Variants in OLFM3 observed in about 807,000 individuals in gnomAD.
OLFM3 encodes olfactomedin 3, also known as noelin-3.
In OLFM3, 20 loss-of-function variants were observed where a neutral mutation model predicts 48.6. The observed-to-expected ratio is 0.41, with a 90% confidence interval of 0.29 to 0.60. The LOEUF is 0.60. Ranked by LOEUF, OLFM3 falls within the 20% of genes least tolerant of loss-of-function variation. The pLI is 0.28. For synonymous variants in OLFM3, 222 were observed against 198.1 expected (o/e 1.12, Z -1.01); for missense variants, 437 against 544.3 (o/e 0.80, Z 1.96).
At chr1:101,828,079 T>TCTCTCTCTCTCTCC (rs1654970808) in intron 3 of OLFM3, among the ~76,000 whole-genome samples, 1 of 151,428 alleles carries the variant, frequency 6.6e-6, no homozygotes, top group Non-Finnish European at 1.5e-5. Flanking sequence ...TCTCTCTCTC[T>TCTCTCTCTCTCTCC]CCTCCTGCCT....
intron 1 of OLFM3, among the ~76,000 whole-genome samples, chr1:101,989,110 G>A (rs1661329014): frequency 6.6e-6 from 1 of 152,062 alleles, no homozygotes; most frequent in South Asian, 2.1e-4. Context: ...AGTTGTACTT[G>A]AGTTGCATCC....
chr1:101,886,548 A>T (rs1657769182), intron 1 of OLFM3, among the ~76,000 whole-genome samples: 1 of 152,112 alleles, frequency 6.6e-6, no homozygotes, highest in Non-Finnish European at 1.5e-5. Context: ...AAGGCATAGC[A>T]TGTTAGCTTG....
chr1:101,859,104 A>C (rs4642900), intron 1 of OLFM3, among the ~76,000 whole-genome samples: 79,475 of 151,492 alleles, frequency 0.52, 21,674 homozygotes, highest in African/African-American at 0.64. Flanking sequence ...GCAGTGGGGG[A>C]AGTGAAAAAT....
chr1:101,907,873 G>A (rs968693768), intron 1 of OLFM3, among the ~76,000 whole-genome samples: 6 of 148,452 alleles, frequency 4.0e-5, no homozygotes, highest in Non-Finnish European at 7.4e-5. Context: ...AGTAAAAAAC[G>A]TATAATTTTT....
At chr1:101,810,736 C>G (rs1052413010) in intron 4 of OLFM3, among the ~76,000 whole-genome samples, 20 of 151,868 alleles carry the variant, frequency 1.3e-4, no homozygotes, top group African/African-American at 4.8e-4. Context: ...AAACTCTGTT[C>G]TTTAAACTTT....
intron 1 of OLFM3, among the ~76,000 whole-genome samples, chr1:101,937,339 G>A (rs994733425): frequency 6.6e-6 from 1 of 152,160 alleles, no homozygotes; most frequent in Non-Finnish European, 1.5e-5. Flanking sequence ...GCTCCAGTGT[G>A]AGTCTTTGGC....
At chr1:101,880,236 CCCT>C (rs896301165) in intron 1 of OLFM3, among the ~76,000 whole-genome samples, 3 of 151,722 alleles carry the variant, frequency 2.0e-5, no homozygotes, top group Non-Finnish European at 2.9e-5. Flanking sequence ...TCTCAAATGA[CCCT>C]CCTATTTTTA....
At chr1:101,953,287 T>TGGGC (rs1163862890) in intron 1 of OLFM3, among the ~76,000 whole-genome samples, 1 of 152,140 alleles carries the variant, frequency 6.6e-6, no homozygotes, top group East Asian at 1.9e-4. Flanking sequence ...CTTTGGCTTG[T>TGGGC]GGGCATTCGT....
chr1:101,812,738 G>A (rs1368548802), intron 4 of OLFM3: 22 of 987,198 alleles, frequency 2.2e-5, no homozygotes, highest in Non-Finnish European at 2.5e-5. Flanking sequence ...AATTTGTACC[G>A]GAGGTTAAAA....
At chr1:101,902,679 T>C (rs535274502) in intron 1 of OLFM3, among the ~76,000 whole-genome samples, 1 of 152,272 alleles carries the variant, frequency 6.6e-6, no homozygotes, top group Admixed American at 6.5e-5. Flanking sequence ...TGGTTCTAAC[T>C]GCAGTAATCA....
At chr1:101,839,504 C>T (rs981627207) in intron 1 of OLFM3, among the ~76,000 whole-genome samples, 28 of 152,100 alleles carry the variant, frequency 1.8e-4, no homozygotes, top group Admixed American at 2.6e-4. Context: ...TAACATTGGA[C>T]GCAAATCTAA....
chr1:101,818,333 T>G (rs941793834), intron 4 of OLFM3, among the ~76,000 whole-genome samples: 10 of 152,060 alleles, frequency 6.6e-5, no homozygotes, highest in Non-Finnish European at 1.5e-4. Flanking sequence ...GATAAATAAA[T>G]ATATGATAAA....
chr1:101,991,163 T>C (rs1661400069), intron 1 of OLFM3, among the ~76,000 whole-genome samples: 1 of 151,000 alleles, frequency 6.6e-6, no homozygotes, highest in Non-Finnish European at 1.5e-5. Context: ...ACCAGGGTAA[T>C]GAGTGTTTAC....
intron 2 of OLFM3, among the ~76,000 whole-genome samples, chr1:101,833,901 T>C (rs1655281785): frequency 6.6e-6 from 1 of 152,214 alleles, no homozygotes; most frequent in South Asian, 2.1e-4. Flanking sequence ...TAAACTTATG[T>C]CATTGGTGAG....
chr1:101,943,422 A>G (rs1659853699), intron 1 of OLFM3, among the ~76,000 whole-genome samples: 1 of 152,170 alleles, frequency 6.6e-6, no homozygotes, highest in Non-Finnish European at 1.5e-5. Context: ...CATACCTCCT[A>G]TCACTTCTGC....
At chr1:101,903,823 G>T (rs564150318) in intron 1 of OLFM3, among the ~76,000 whole-genome samples, 18 of 152,020 alleles carry the variant, frequency 1.2e-4, no homozygotes, top group African/African-American at 4.3e-4. Context: ...CAGAAACAAA[G>T]ATTTTTTTAC....
chr1:101,879,219 T>C (rs1370340353), intron 1 of OLFM3, among the ~76,000 whole-genome samples: 1 of 151,860 alleles, frequency 6.6e-6, no homozygotes, highest in East Asian at 1.9e-4. Flanking sequence ...GGATTGATTT[T>C]ACTAAACACT....
chr1:101,864,709 G>A (rs777348940), intron 1 of OLFM3, among the ~76,000 whole-genome samples: 3 of 152,136 alleles, frequency 2.0e-5, no homozygotes, highest in Admixed American at 6.5e-5. Flanking sequence ...CAGATCAAGA[G>A]ACAGTGTGGT....
At chr1:101,853,081 C>A (rs1656285702) in intron 1 of OLFM3, among the ~76,000 whole-genome samples, 1 of 152,072 alleles carries the variant, frequency 6.6e-6, no homozygotes, top group Non-Finnish European at 1.5e-5. Flanking sequence ...ATTCCAGTGC[C>A]TAGATTCCCA....
Sources: allele counts gnomAD v4.1 joint callset (sites outside exome capture counted in the v4.1 genomes callset), GRCh38; gene constraint gnomAD v4.1.1; transcripts MANE v1.5; gene names NCBI Gene and HGNC (gene_info 2026-07-23, HGNC 2026-07-21).